Variants in PXDNL observed in about 807,000 individuals in gnomAD.
The protein encoded by PXDNL is probable oxidoreductase PXDNL.
Under a neutral mutation model 150.8 loss-of-function variants are expected in PXDNL, and 145 were observed. The observed-to-expected ratio is 0.96, with a 90% CI of 0.84 to 1.10. The LOEUF (loss-of-function observed/expected upper bound fraction) is 1.10, where lower values mean the gene tolerates loss of function less well. PXDNL is among the 50% of genes least tolerant of loss of function. The pLI, the probability that PXDNL is intolerant of heterozygous loss-of-function variation, is 0.00. For synonymous variants in PXDNL, 757 were observed against 725.7 expected (o/e 1.04, Z -0.69); for missense variants, 2,087 against 1,873.9 (o/e 1.11, Z -2.10).
chr8:51,399,062 A>C (rs1808171202), intron 17 of PXDNL, among the ~76,000 whole-genome samples: 1 of 152,182 alleles, frequency 6.6e-6, no homozygotes, highest in Admixed American at 6.5e-5. Flanking sequence ...AATCAATAGA[A>C]TATTTCCAAC....
At chr8:51,736,937 G>A in intron 1 of PXDNL, among the ~76,000 whole-genome samples, 1 of 152,116 alleles carries the variant, frequency 6.6e-6, no homozygotes, top group East Asian at 1.9e-4. Context: ...TACCTAAAAT[G>A]AATTTCTTTA....
intron 3 of PXDNL, among the ~76,000 whole-genome samples, chr8:51,588,850 T>C (rs1218767923): frequency 6.6e-6 from 1 of 152,158 alleles, no homozygotes; most frequent in Non-Finnish European, 1.5e-5. Context: ...CCCCAAAGTT[T>C]GAAGGATCCT....
intron 4 of PXDNL, among the ~76,000 whole-genome samples, chr8:51,523,322 C>G (rs184735798): frequency 6.6e-6 from 1 of 152,154 alleles, no homozygotes; most frequent in Admixed American, 6.5e-5. Context: ...TTGGTAATAA[C>G]AGCTGTAAAC....
rs184730289 is a variant in PXDNL at position 51,719,192 on chromosome 8, G to A, written c.165-64432C>T. On this transcript the variant is annotated intron_variant, in intron 1 of 22. Coordinates refer to ENST00000356297, the MANE Select transcript of PXDNL (RefSeq NM_144651.5). The stretch of plus-strand genomic sequence containing the variant: ...CATTGAGAATGATGGCTGTTTTGTC[G>A]AATAGAAAAGGGGTAAATGTGGGGA... 9.4e-3 allele frequency among the ~76,000 whole-genome samples: 1,435 copies of A among 152,306 alleles called. 11 individuals carry two copies. The highest frequency in any genetic ancestry group is 0.014 in the Non-Finnish European group (958 of 68,022).
At chr8:51,696,036 T>C (rs1325746256) in intron 1 of PXDNL, among the ~76,000 whole-genome samples, 1 of 152,202 alleles carries the variant, frequency 6.6e-6, no homozygotes. Context: ...AGGCCTGACA[T>C]TGTCTGAAAC....
intron 1 of PXDNL, among the ~76,000 whole-genome samples, chr8:51,707,063 A>G (rs1486876418): frequency 1.3e-5 from 2 of 152,194 alleles, no homozygotes; most frequent in African/African-American, 2.4e-5. Context: ...TGAAATTTAA[A>G]CCCAGTTCTC....
intron 12 of PXDNL, among the ~76,000 whole-genome samples, chr8:51,442,093 G>A (rs1431618): frequency 0.54 from 81,617 of 151,400 alleles, 25,990 homozygotes; most frequent in Non-Finnish European, 0.7. Context: ...ATGGACCCAG[G>A]GTCACTCTTC....
chr8:51,582,369 T>C (rs550594009), intron 3 of PXDNL, among the ~76,000 whole-genome samples: 2 of 152,280 alleles, frequency 1.3e-5, no homozygotes, highest in African/African-American at 4.8e-5. Context: ...TATGGTATTT[T>C]GTTATGGTAT....
Position 51,374,148 on chromosome 8 carries a change from G to A in PXDNL, c.3692+449C>T, listed in dbSNP as rs559155159. ...TCAGGTCTTCCTCCATGAGAATGAAGGGAGGGAATCTCAAGGCTGCTACCA... is the reference window on the plus strand; with the variant it reads ...TCAGGTCTTCCTCCATGAGAATGAAAGGAGGGAATCTCAAGGCTGCTACCA... On this transcript the variant is annotated intron_variant, in intron 18 of 22. Transcript: ENST00000356297. Among the ~76,000 whole-genome samples the A allele has an allele frequency of 3.3e-5, 5 of 152,278 alleles. No individual in the cohort carries two copies. In the South Asian group the frequency reaches 1.0e-3, roughly 32 times the overall value.
At chr8:51,561,314 C>T (rs973962469) in intron 3 of PXDNL, among the ~76,000 whole-genome samples, 1 of 151,872 alleles carries the variant, frequency 6.6e-6, no homozygotes, top group African/African-American at 2.4e-5. Flanking sequence ...TGTTCCACAC[C>T]AGCACTACTC....
chr8:51,465,254 C>A (rs1279662186), intron 8 of PXDNL, among the ~76,000 whole-genome samples: 1 of 151,904 alleles, frequency 6.6e-6, no homozygotes, highest in African/African-American at 2.4e-5. Context: ...TCAACATATG[C>A]AAATCAATAC....
intron 3 of PXDNL, among the ~76,000 whole-genome samples, chr8:51,585,463 G>A (rs1813302508): frequency 1.3e-5 from 2 of 152,114 alleles, no homozygotes; most frequent in South Asian, 4.1e-4. Flanking sequence ...AACATGCAAT[G>A]TCACTAACAC....
chr8:51,593,610 G>A (rs1264206780), intron 2 of PXDNL, among the ~76,000 whole-genome samples: 3 of 152,176 alleles, frequency 2.0e-5, no homozygotes, highest in Non-Finnish European at 4.4e-5. Context: ...GGCCACTGGA[G>A]CAGGTGATTA....
intron 2 of PXDNL, among the ~76,000 whole-genome samples, chr8:51,621,447 T>C (rs1814249571): frequency 8.0e-6 from 1 of 125,156 alleles, no homozygotes; most frequent in South Asian, 2.4e-4. Context: ...TGTGTGTGTG[T>C]CTGTGTGTGT....
chr8:51,598,197 T>A (rs1438733712), intron 2 of PXDNL, among the ~76,000 whole-genome samples: 1 of 152,170 alleles, frequency 6.6e-6, no homozygotes, highest in East Asian at 1.9e-4. Context: ...GTAGTTTGAC[T>A]TTTTTTCCTA....
intron 8 of PXDNL, among the ~76,000 whole-genome samples, chr8:51,462,110 G>C (rs916726506): frequency 6.6e-5 from 10 of 152,104 alleles, no homozygotes; most frequent in Non-Finnish European, 1.3e-4. Context: ...ATACACCACA[G>C]TCAAAACCTC....
At chr8:51,581,753 C>T (rs1221389554) in intron 3 of PXDNL, among the ~76,000 whole-genome samples, 1 of 152,006 alleles carries the variant, frequency 6.6e-6, no homozygotes, top group African/African-American at 2.4e-5. Context: ...TGGAAGTATT[C>T]CTTAATATTA....
chr8:51,429,704 T>C (rs1473463889), intron 12 of PXDNL, among the ~76,000 whole-genome samples: 2 of 150,300 alleles, frequency 1.3e-5, no homozygotes, highest in Non-Finnish European at 3.0e-5. Context: ...TTTTTTTTTT[T>C]TTATGAGACA....
rs565164659 is a variant in PXDNL, at chr8:51,650,091, G to T, written c.236+4598C>A. Reference sequence around the variant, plus strand: ...TACTCCAGCCTCAACAACAGAGAGAGACTTTGTCTCAAAAAAAAAAAAAAA... The same window carrying T: ...TACTCCAGCCTCAACAACAGAGAGATACTTTGTCTCAAAAAAAAAAAAAAA... On this transcript the variant is annotated intron_variant, in intron 2 of 22. Transcript: ENST00000356297. Among the ~76,000 whole-genome samples the T allele has an allele frequency of 1.5e-3, 141 of 96,672 alleles. 1 individual carries two copies. Among genetic ancestry groups the T allele is most frequent in the Middle Eastern group, 8.5e-3 (1 of 118 alleles). The allele number at this position is 96,672 out of a possible 152,430, so 63.4% of individuals were successfully genotyped here. A position where few individuals can be genotyped will look rare whatever the true frequency, so the allele number is the denominator to read the frequency against.
Sources: allele counts gnomAD v4.1 joint callset (sites outside exome capture counted in the v4.1 genomes callset), GRCh38; gene constraint gnomAD v4.1.1; transcripts MANE v1.5; gene names NCBI Gene and HGNC (gene_info 2026-07-23, HGNC 2026-07-21).